The following OSGEP variants were observed in gnomAD, a reference collection of about 807,000 sequenced individuals.
OSGEP encodes the protein tRNA N6-adenosine threonylcarbamoyltransferase.
A neutral mutation model predicts 44.1 loss-of-function variants in OSGEP; 39 were observed. The ratio of observed to expected loss-of-function variants is 0.88; its 90% CI spans 0.69 to 1.16. The LOEUF is 1.16. Among genes scored for constraint, OSGEP ranks in the 50% most tolerant of loss-of-function variants. The probability of loss-of-function intolerance (pLI) is 0.00; values close to 1 mark genes in which losing one functional copy is unlikely to be tolerated. For missense variants in OSGEP, 403 were observed against 443.1 expected, an observed-to-expected ratio of 0.91 and a Z score of 0.81; for synonymous variants, 139 against 161.9, an observed-to-expected ratio of 0.86 and a Z score of 1.07.
intron 1 of OSGEP, among the ~76,000 whole-genome samples, chr14:20,454,054 T>C (rs1881187195): frequency 6.6e-6 from 1 of 152,074 alleles, no homozygotes; most frequent in African/African-American, 2.4e-5. Flanking sequence ...AAAGACCAAA[T>C]GTCCAAAACA....
intron 1 of OSGEP, 109 bp from the exon 2 acceptor site, chr14:20,452,557 C>T: frequency 9.7e-7 from 1 of 1,032,348 alleles, no homozygotes; most frequent in Non-Finnish European, 1.4e-6. Context: ...AGTCCTTTCA[C>T]TTTCCCCAAG....
intron 6 of OSGEP, among the ~76,000 whole-genome samples, chr14:20,448,423 G>A (rs939693263): frequency 1.3e-5 from 2 of 152,068 alleles, no homozygotes; most frequent in South Asian, 4.1e-4. Context: ...TTTTTCACCT[G>A]TACTCATCAT....
chr14:20,451,811 T>C (rs1472437716), intron 3 of OSGEP, 163 bp downstream of exon 3: 5 of 528,708 alleles, frequency 9.5e-6, no homozygotes, highest in South Asian at 7.8e-5. Context: ...CTGCCAAAAT[T>C]TGCAATGTTA....
chr14:20,452,576 C>G (rs550160094), intron 1 of OSGEP, 128 bp from the exon 2 acceptor site: 1 of 832,118 alleles, frequency 1.2e-6, no homozygotes, highest in African/African-American at 1.7e-5. Context: ...AGCATCCTAT[C>G]TTCCACATTT....
At position 20,447,413 on chromosome 14, in the gene OSGEP, A is replaced by G; in HGVS notation, c.968+9T>C. The G allele has an allele frequency of 6.2e-7, 1 of 1,602,304 alleles. No individual in the cohort carries two copies. The highest frequency in any genetic ancestry group is 8.6e-7 in the Non-Finnish European group (1 of 1,169,138). ...ATAATCTACCCTCACCAAGAGGTGA[A>G]TCACTCACCTCTGTGTAACCCCAGA... On this transcript the variant is annotated intron_variant, in intron 10 of 10. Coordinates refer to ENST00000206542, the MANE Select transcript of OSGEP (RefSeq NM_017807.4).
intron 3 of OSGEP, chr14:20,451,278 G>C (rs1174901270): frequency 4.6e-5 from 12 of 261,092 alleles, no homozygotes; most frequent in South Asian, 3.8e-4. Flanking sequence ...AAATCAGGTA[G>C]TGTCCTTTAG....
chr14:20,453,886 G>A (rs1269381893), intron 1 of OSGEP, among the ~76,000 whole-genome samples: 1 of 152,084 alleles, frequency 6.6e-6, no homozygotes, highest in Non-Finnish European at 1.5e-5. Context: ...GGATGTGGTG[G>A]CGCACACCTA....
At chr14:20,448,854 C>G (rs1460538162) in intron 5 of OSGEP, 43 bp from the exon 6 acceptor site, 7 of 1,590,954 alleles carry the variant, frequency 4.4e-6, no homozygotes, top group Non-Finnish European at 5.2e-6. Flanking sequence ...CTACAGTCAG[C>G]TGGCTTCTCA....
intron 1 of OSGEP, 47 bp downstream of exon 1, chr14:20,454,522 T>C (rs1266860268): frequency 8.0e-7 from 1 of 1,254,912 alleles, no homozygotes; most frequent in African/African-American, 1.5e-5. Flanking sequence ...AGGCTGATTC[T>C]GTGCGGGGAA....
intron 3 of OSGEP, chr14:20,451,672 G>A (rs1275929763): frequency 4.0e-6 from 1 of 248,054 alleles, no homozygotes; most frequent in Non-Finnish European, 7.6e-6. Context: ...AGAGCTTTCA[G>A]ATATTCATTA....
Position 20,447,013 on chromosome 14 carries a change from C to T in OSGEP, c.*227G>A, listed in dbSNP as rs73587074. 4.3e-3 allele frequency: 2,009 copies of T among 470,946 alleles called. 37 individuals are homozygous for T. Among genetic ancestry groups the T allele is most frequent in the African/African-American group, 0.036 (1,801 of 50,718 alleles). The allele number at this position is 470,946 out of a possible 1,614,324, so 29.2% of individuals were successfully genotyped here. ...AGCTCCAACAAGAATTTATCCAGCA[C>T]CAAATCTACATTGGTCCTGAACAAC... is the stretch of plus-strand genomic sequence containing the variant. On this transcript the variant is annotated 3_prime_UTR_variant, in exon 11 of 11. Transcript: ENST00000206542.
At chr14:20,448,038 G>T (rs779397741) in intron 7 of OSGEP, 44 bp from the exon 8 acceptor site, 1 of 1,584,464 alleles carries the variant, frequency 6.3e-7, no homozygotes, top group East Asian at 2.2e-5. Flanking sequence ...GGGCATCCCA[G>T]ATTAGTTCTG....
chr14:20,448,606 C>G lies in OSGEP; in HGVS notation c.636+127G>C. The G allele has an allele frequency of 1.5e-5, 10 of 670,016 alleles. No homozygotes were observed. In the East Asian group the frequency reaches 2.1e-4, roughly 14 times the overall value. 41.5% of individuals were successfully genotyped at this position (670,016 alleles called of 1,614,324 possible). Reference sequence around the variant, plus strand: ...ATACCTTCTAAATGAATTTACCCAGCACATGATATGGACCAGTACTGTGCT... The same window carrying G: ...ATACCTTCTAAATGAATTTACCCAGGACATGATATGGACCAGTACTGTGCT... On this transcript the variant is annotated intron_variant, in intron 6 of 10. Transcript: ENST00000206542.
At chr14:20,450,026 T>A (rs1480308295) in intron 3 of OSGEP, 1 of 142,410 alleles carries the variant, frequency 7.0e-6, no homozygotes, top group Non-Finnish European at 1.5e-5. Context: ...GGCAATTCAC[T>A]TAAGGCCATT....
intron 8 of OSGEP, 48 bp downstream of exon 8, chr14:20,447,843 CCAGGAGGAAGACG>C (rs1880992560): frequency 3.0e-6 from 4 of 1,314,364 alleles, no homozygotes; most frequent in Non-Finnish European, 3.3e-6. Flanking sequence ...ATTTAGAGTA[CCAGGAGGAAGACG>C]CATAGTGTTA....
Position 20,448,138 on chromosome 14 carries a change from A to C in OSGEP, c.670T>G (p.Cys224Gly), listed in dbSNP as rs1594406911. The C allele has an allele frequency of 1.2e-6, 2 of 1,613,646 alleles. No homozygotes were observed. Among genetic ancestry groups the C allele is most frequent in the South Asian group, 1.1e-5 (1 of 91,076 alleles). Reference protein sequence around the residue: ...VAHRMLATGECTPEDLCFSLQ... With the variant: ...VAHRMLATGEGTPEDLCFSLQ... ...GAGAAACACAGATCCTCAGGAGTACACTCGCCTGTGGCCAGCATCCGATGG... is the reference window on the plus strand; with the variant it reads ...GAGAAACACAGATCCTCAGGAGTACCCTCGCCTGTGGCCAGCATCCGATGG... The change falls in exon 7 of 11, where the codon TGT becomes GGT. Residue 224 changes from cysteine to glycine, a missense_variant. Coordinates refer to ENST00000206542, the MANE Select transcript of OSGEP (RefSeq NM_017807.4).
chr14:20,447,164 A>T lies in OSGEP; in HGVS notation c.*76T>A, dbSNP rs142954107. Reference sequence around the variant, plus strand: ...ATAGCTTTGCTAGGACTCCCATGACATCAGGATAGAGATTGAGGCACGGGG... The same window carrying T: ...ATAGCTTTGCTAGGACTCCCATGACTTCAGGATAGAGATTGAGGCACGGGG... On this transcript the variant is annotated 3_prime_UTR_variant, in exon 11 of 11. Coordinates refer to ENST00000206542, the MANE Select transcript of OSGEP (RefSeq NM_017807.4). The T allele has an allele frequency of 2.4e-4, 307 of 1,260,020 alleles. 4 individuals carry two copies. In the African/African-American group the frequency reaches 4.1e-3, roughly 17 times the overall value. The allele number at this position is 1,260,020 out of a possible 1,614,324, so 78.1% of individuals were successfully genotyped here.
rs917045211 is a variant in OSGEP at position 20,454,595 on chromosome 14, C to T, written c.89G>A (p.Arg30Gln). ...RDGKVLANPR[R>Q]TYVTPPGTGF... ...TGTGCCAGGAGGCGTGACGTAAGTC[C>T]GCCGCGGGTTCGCCAGCACCTTGCC... is the stretch of plus-strand genomic sequence containing the variant. Residue 30 changes from arginine to glutamine, a missense_variant, in exon 1 of 11, where the codon CGG becomes CAG. Transcript: ENST00000206542. 2.5e-6 allele frequency: 4 copies of T among 1,614,096 alleles called. No homozygotes were observed. In the East Asian group the frequency reaches 8.9e-5, roughly 36 times the overall value.
At position 20,449,172 on chromosome 14, in the gene OSGEP, T is replaced by A; in HGVS notation, c.506A>T (p.Lys169Met). The A allele has an allele frequency of 6.2e-7, 1 of 1,607,324 alleles. No homozygotes were observed. Among genetic ancestry groups the A allele is most frequent in the Non-Finnish European group, 8.5e-7 (1 of 1,173,790 alleles). ...TTCTCTGCAGCCCCACTGGCTTACC[T>A]TCAGCACTCGAGCAAAACGATCCAG... ...NCLDRFARVL[K>M]ISNDPSPGYN... The change falls in exon 4 of 11, where the codon AAG (lysine) becomes ATG (methionine). Residue 169 changes from lysine (K) to methionine (M), a missense_variant and splice_region_variant. Lys to Met is a moderately conservative substitution (Grantham distance 95, BLOSUM62 -1). Transcript: ENST00000206542.
Sources: allele counts gnomAD v4.1 joint callset (sites outside exome capture counted in the v4.1 genomes callset), GRCh38; gene constraint gnomAD v4.1.1; transcripts MANE v1.5; gene names NCBI Gene and HGNC (gene_info 2026-07-23, HGNC 2026-07-21).